The following WDFY2 variants were observed in gnomAD, a reference collection of about 807,000 sequenced individuals.
The protein encoded by WDFY2 is WD repeat and FYVE domain-containing protein 2.
In WDFY2, 36 loss-of-function variants were observed where a neutral mutation model predicts 56.4. The observed-to-expected ratio is 0.64, with a 90% confidence interval of 0.49 to 0.84. WDFY2 has a LOEUF of 0.84. WDFY2 is among the 40% of genes least tolerant of loss of function. WDFY2 has a pLI of 0.00. For synonymous variants in WDFY2, 176 were observed against 183.7 expected (o/e 0.96, Z 0.34); for missense variants, 444 against 512.2 (o/e 0.87, Z 1.29).
intron 5 of WDFY2, among the ~76,000 whole-genome samples, chr13:51,725,465 A>T (rs1389491665): frequency 6.6e-6 from 1 of 152,126 alleles, no homozygotes; most frequent in Non-Finnish European, 1.5e-5. Context: ...AGGTGGAAGG[A>T]TCACTTGAGC....
chr13:51,687,233 GT>G (rs1328364700), intron 3 of WDFY2, among the ~76,000 whole-genome samples: 1 of 151,778 alleles, frequency 6.6e-6, no homozygotes, highest in Non-Finnish European at 1.5e-5. Context: ...GTGCCAGGCA[GT>G]GTTCTAGGTA....
At chr13:51,600,594 G>C (rs1954255859) in intron 1 of WDFY2, among the ~76,000 whole-genome samples, 1 of 152,152 alleles carries the variant, frequency 6.6e-6, no homozygotes, top group Admixed American at 6.5e-5. Flanking sequence ...GAATTCCTTG[G>C]GAAGGAACCT....
At chr13:51,641,751 G>A (rs1189009006) in intron 1 of WDFY2, among the ~76,000 whole-genome samples, 8 of 147,940 alleles carry the variant, frequency 5.4e-5, no homozygotes, top group African/African-American at 1.5e-4. Flanking sequence ...ACGTGAACCC[G>A]GGAGGCGGAG....
intron 1 of WDFY2, among the ~76,000 whole-genome samples, chr13:51,659,507 C>T (rs1955572176): frequency 6.6e-6 from 1 of 152,166 alleles, no homozygotes; most frequent in African/African-American, 2.4e-5. Flanking sequence ...GGGATAATAC[C>T]TTTCAACCTC....
chr13:51,631,828 C>T (rs1460151765), intron 1 of WDFY2, among the ~76,000 whole-genome samples: 1 of 152,164 alleles, frequency 6.6e-6, no homozygotes, highest in African/African-American at 2.4e-5. Context: ...TGTGGCCAGC[C>T]TAGACCTCTC....
At chr13:51,636,747 A>G (rs1218223413) in intron 1 of WDFY2, among the ~76,000 whole-genome samples, 1 of 152,214 alleles carries the variant, frequency 6.6e-6, no homozygotes, top group Non-Finnish European at 1.5e-5. Context: ...GGCCTAGACA[A>G]ATAGGTCAGT....
intron 4 of WDFY2, among the ~76,000 whole-genome samples, chr13:51,713,934 A>G (rs1952285329): frequency 1.3e-5 from 2 of 151,986 alleles, no homozygotes; most frequent in Admixed American, 1.3e-4. Context: ...AGAGACAGAA[A>G]GGCAAATGGT....
chr13:51,687,810 A>G (rs960920919), intron 3 of WDFY2, among the ~76,000 whole-genome samples: 3 of 152,142 alleles, frequency 2.0e-5, no homozygotes, highest in African/African-American at 7.2e-5. Context: ...ACTGTGATCA[A>G]TAGCCTAAAA....
intron 6 of WDFY2, among the ~76,000 whole-genome samples, chr13:51,736,547 C>T (rs1476733586): frequency 6.6e-6 from 1 of 152,220 alleles, no homozygotes; most frequent in Admixed American, 6.5e-5. Flanking sequence ...GGCTGGAGTG[C>T]AGTGGCGTGA....
chr13:51,672,978 A>G (rs1955830440), intron 2 of WDFY2, among the ~76,000 whole-genome samples: 1 of 152,258 alleles, frequency 6.6e-6, no homozygotes, highest in African/African-American at 2.4e-5. Context: ...TACTATGCAT[A>G]AAATGATTTG....
intron 2 of WDFY2, among the ~76,000 whole-genome samples, chr13:51,668,704 T>G (rs959254444): frequency 3.3e-5 from 5 of 152,226 alleles, no homozygotes; most frequent in Admixed American, 2.0e-4. Flanking sequence ...CGTTAGCACC[T>G]GAAGTTTTTA....
At chr13:51,680,887 T>TA (rs1403262432) in intron 3 of WDFY2, among the ~76,000 whole-genome samples, 1 of 152,126 alleles carries the variant, frequency 6.6e-6, no homozygotes, top group African/African-American at 2.4e-5. Context: ...TTCATACAAG[T>TA]AGGACAGCCC....
chr13:51,739,458 C>G (rs1952915362), intron 7 of WDFY2, among the ~76,000 whole-genome samples: 1 of 151,184 alleles, frequency 6.6e-6, no homozygotes, highest in Admixed American at 6.6e-5. Context: ...AAGAATATAA[C>G]AGTAAAAATT....
chr13:51,711,814 A>T (rs1952224755), intron 4 of WDFY2, among the ~76,000 whole-genome samples: 1 of 152,214 alleles, frequency 6.6e-6, no homozygotes, highest in African/African-American at 2.4e-5. Flanking sequence ...GGATGTGGAG[A>T]AATAGGAACA....
chr13:51,664,730 A>G (rs1303864516), intron 2 of WDFY2, among the ~76,000 whole-genome samples: 1 of 151,678 alleles, frequency 6.6e-6, no homozygotes, highest in East Asian at 1.9e-4. Flanking sequence ...CCTAATTCCT[A>G]CTCTTTCAGT....
chr13:51,745,819 GT>G (rs1953085284), intron 7 of WDFY2, among the ~76,000 whole-genome samples: 1 of 148,442 alleles, frequency 6.7e-6, no homozygotes, highest in Non-Finnish European at 1.5e-5. Context: ...ACAGTAAAGA[GT>G]GTTAATTAAC....
chr13:51,742,865 CTCTT>C (rs1953006011), intron 7 of WDFY2, among the ~76,000 whole-genome samples: 2 of 152,180 alleles, frequency 1.3e-5, no homozygotes, highest in Admixed American at 1.3e-4. Flanking sequence ...CTTGATTTCT[CTCTT>C]ACTACTCTTA....
At chr13:51,692,205 C>T (rs1320199245) in intron 3 of WDFY2, among the ~76,000 whole-genome samples, 1 of 152,180 alleles carries the variant, frequency 6.6e-6, no homozygotes, top group Non-Finnish European at 1.5e-5. Flanking sequence ...TGCCTAATTG[C>T]CCTGGCCAGA....
intron 7 of WDFY2, among the ~76,000 whole-genome samples, chr13:51,740,434 G>A (rs1271875659): frequency 6.6e-6 from 1 of 152,214 alleles, no homozygotes; most frequent in Non-Finnish European, 1.5e-5. Flanking sequence ...AGGAAGCCAG[G>A]GCCGGGTGCA....
Sources: gnomAD v4.1 joint callset for allele counts (sites outside exome capture counted in the v4.1 genomes callset) on GRCh38, gnomAD v4.1.1 for gene constraint, MANE v1.5 for transcripts, NCBI Gene and HGNC (gene_info 2026-07-23, HGNC 2026-07-21) for gene names.